The following SDC2 variants were observed in gnomAD, a reference collection of about 807,000 sequenced individuals.
SDC2 encodes syndecan 2, also known as syndecan-2.
SDC2 carries 13 observed loss-of-function variants against 22.2 expected under a neutral mutation model. The observed-to-expected ratio is 0.59, with a 90% CI of 0.38 to 0.93. The LOEUF is 0.93. Ranked by LOEUF, SDC2 falls within the 40% of genes least tolerant of loss-of-function variation. The pLI is 0.00. For missense variants in SDC2, 235 were observed against 246.8 expected, an observed-to-expected ratio of 0.95 and a Z score of 0.32; for synonymous variants, 94 against 92.8, an observed-to-expected ratio of 1.01 and a Z score of -0.07.
intron 1 of SDC2, among the ~76,000 whole-genome samples, chr8:96,512,538 C>G (rs772217337): frequency 7.2e-5 from 11 of 152,214 alleles, no homozygotes; most frequent in Non-Finnish European, 1.5e-4. Context: ...AGGCTTAGAA[C>G]AGAGAGACCT....
intron 1 of SDC2, among the ~76,000 whole-genome samples, chr8:96,529,843 G>A (rs1039645296): frequency 3.3e-5 from 3 of 92,098 alleles, no homozygotes; most frequent in African/African-American, 1.3e-4. Flanking sequence ...TAGAAGTTCC[G>A]GTGCCCACTT....
At position 96,602,900 on chromosome 8, in the gene SDC2, T is replaced by G. The variant is rs184497010; in HGVS notation, c.306+372T>G. ...TTGGTTTCCTGGTTTGTAGGTTACG[T>G]AATTAGAAGACTCCAGGTCACGTCT... On this transcript the variant is annotated intron_variant, in intron 3 of 4. Coordinates refer to ENST00000302190, the MANE Select transcript of SDC2 (RefSeq NM_002998.4). Among the ~76,000 whole-genome samples the G allele has an allele frequency of 6.2e-4, 94 of 152,306 alleles. 1 individual carries two copies. In the East Asian group the frequency reaches 0.015, roughly 25 times the overall value.
intron 1 of SDC2, among the ~76,000 whole-genome samples, chr8:96,535,254 G>A (rs986649169): frequency 6.6e-6 from 1 of 152,054 alleles, no homozygotes; most frequent in African/African-American, 2.4e-5. Context: ...TGATTCGCCC[G>A]CCTTGGCCTC....
At chr8:96,600,911 T>A (rs1010488790) in intron 2 of SDC2, among the ~76,000 whole-genome samples, 5 of 152,188 alleles carry the variant, frequency 3.3e-5, no homozygotes, top group African/African-American at 1.2e-4. Flanking sequence ...GTATCATCTG[T>A]GCTTAACTCA....
At chr8:96,522,960 G>A (rs999116818) in intron 1 of SDC2, among the ~76,000 whole-genome samples, 2 of 152,144 alleles carry the variant, frequency 1.3e-5, no homozygotes, top group Non-Finnish European at 2.9e-5. Flanking sequence ...TTTGCCTAGG[G>A]TTGGAATTTT....
chr8:96,510,360 T>G (rs913117902), intron 1 of SDC2, among the ~76,000 whole-genome samples: 3 of 152,078 alleles, frequency 2.0e-5, no homozygotes, highest in African/African-American at 7.2e-5. Context: ...GAAGAGAGAG[T>G]GCTTTAGGCT....
chr8:96,505,199 G>T (rs373520604), intron 1 of SDC2, among the ~76,000 whole-genome samples: 1 of 152,126 alleles, frequency 6.6e-6, no homozygotes, highest in South Asian at 2.1e-4. Context: ...GCTAAAACTT[G>T]CATACAAGTT....
At chr8:96,549,755 CA>C (rs1813997121) in intron 1 of SDC2, among the ~76,000 whole-genome samples, 1 of 152,054 alleles carries the variant, frequency 6.6e-6, no homozygotes, top group Non-Finnish European at 1.5e-5. Flanking sequence ...TTTAGGGACT[CA>C]ATAAGTATTT....
At chr8:96,550,663 C>A (rs923675858) in intron 1 of SDC2, among the ~76,000 whole-genome samples, 21 of 152,280 alleles carry the variant, frequency 1.4e-4, no homozygotes, top group Admixed American at 1.3e-3. Context: ...TTAGGCAGCC[C>A]AAACAAGACC....
At chr8:96,599,244 T>C (rs529661934) in intron 2 of SDC2, among the ~76,000 whole-genome samples, 1 of 152,158 alleles carries the variant, frequency 6.6e-6, no homozygotes, top group Admixed American at 6.6e-5. Context: ...CTTGGCCCTG[T>C]CTTTAACTTT....
intron 1 of SDC2, among the ~76,000 whole-genome samples, chr8:96,530,518 C>T (rs752087518): frequency 1.7e-4 from 26 of 152,086 alleles, no homozygotes; most frequent in Non-Finnish European, 3.2e-4. Context: ...CCTGTAATCC[C>T]AGCTACTTGG....
At chr8:96,516,234 C>T (rs1039045661) in intron 1 of SDC2, among the ~76,000 whole-genome samples, 8 of 152,036 alleles carry the variant, frequency 5.3e-5, no homozygotes, top group South Asian at 2.1e-4. Context: ...GTTTTTAGTT[C>T]GGGATCTAAG....
intron 1 of SDC2, among the ~76,000 whole-genome samples, chr8:96,582,899 G>A (rs1018538134): frequency 4.6e-5 from 7 of 152,122 alleles, no homozygotes; most frequent in African/African-American, 1.4e-4. Context: ...GAGCAAGGAG[G>A]CGCTAACAAG....
At chr8:96,608,510 A>G (rs1815122808) in intron 4 of SDC2, 40 bp downstream of exon 4, 4 of 1,573,750 alleles carry the variant, frequency 2.5e-6, no homozygotes, top group African/African-American at 2.7e-5. Flanking sequence ...GGGTGCCTAC[A>G]TAGGCCTCTG....
intron 1 of SDC2, among the ~76,000 whole-genome samples, chr8:96,511,130 A>C (rs1813320909): frequency 6.6e-6 from 1 of 152,156 alleles, no homozygotes; most frequent in Non-Finnish European, 1.5e-5. Flanking sequence ...AGCTTTAAAA[A>C]GCCCTTCAGG....
Position 96,600,248 on chromosome 8 carries a change from A to G in SDC2, c.173-2147A>G, listed in dbSNP as rs1037091792. 2.0e-5 allele frequency among the ~76,000 whole-genome samples: 3 copies of G among 152,104 alleles called. No homozygotes were observed. The East Asian group carries it at 5.8e-4, about 29-fold the overall frequency. On this transcript the variant is annotated intron_variant, in intron 2 of 4. Coordinates refer to ENST00000302190, the MANE Select transcript of SDC2 (RefSeq NM_002998.4). ...ACATTGATGCGATTCTGTGGAAAAT[A>G]CCCATTTTCTTTTGTTTGAGGAATT...
chr8:96,584,780 T>G (rs1814653361), intron 1 of SDC2, among the ~76,000 whole-genome samples: 1 of 152,188 alleles, frequency 6.6e-6, no homozygotes, highest in Non-Finnish European at 1.5e-5. Context: ...TCTCTCTGTT[T>G]GATATTCCAA....
chr8:96,536,486 T>A (rs1415292882), intron 1 of SDC2, among the ~76,000 whole-genome samples: 1 of 151,670 alleles, frequency 6.6e-6, no homozygotes, highest in Non-Finnish European at 1.5e-5. Context: ...CATGCCTGGC[T>A]AATTTTTCTA....
rs1241908396 is a variant in SDC2, at chr8:96,494,292, G to T, written c.21G>T (p.Leu7=). The change falls in exon 1 of 5, where the codon CTG becomes CTT. Residue 7 remains leucine, a synonymous_variant. Coordinates refer to ENST00000302190, the MANE Select transcript of SDC2 (RefSeq NM_002998.4). ...GGAATATGCGGCGCGCGTGGATCCT[G>T]CTCACCTTGGGCTTGGTGGCCTGCG... is the stretch of plus-strand genomic sequence containing the variant. MRRAWI[L]LTLGLVACVS... The T allele has an allele frequency of 1.6e-5, 25 of 1,547,086 alleles. No individual in the cohort carries two copies. The highest frequency in any genetic ancestry group is 2.4e-5 in the East Asian group (1 of 41,318).
Sources: gnomAD v4.1 joint callset for allele counts (sites outside exome capture counted in the v4.1 genomes callset) on GRCh38, gnomAD v4.1.1 for gene constraint, MANE v1.5 for transcripts, NCBI Gene and HGNC (gene_info 2026-07-23, HGNC 2026-07-21) for gene names.